GPC5: variants seen among roughly 807,000 people sequenced by gnomAD.
GPC5 encodes the protein glypican-5.
A neutral mutation model predicts 53.9 loss-of-function variants in GPC5; 47 were observed. The observed-to-expected ratio is 0.87, with a 90% confidence interval of 0.69 to 1.11. The LOEUF is 1.11. Ranked by LOEUF, GPC5 falls within the 50% of genes most tolerant of loss-of-function variation. The pLI is 0.00. For synonymous variants in GPC5, 286 were observed against 263.3 expected (o/e 1.09, Z -0.84); for missense variants, 748 against 713.1 (o/e 1.05, Z -0.56).
At chr13:91,613,611 G>T (rs1245542864) in intron 2 of GPC5, among the ~76,000 whole-genome samples, 2 of 152,000 alleles carry the variant, frequency 1.3e-5, no homozygotes, top group African/African-American at 4.8e-5. Flanking sequence ...GAAGATTTTT[G>T]GAAATATTTT....
intron 2 of GPC5, among the ~76,000 whole-genome samples, chr13:91,524,678 T>C (rs996020579): frequency 2.6e-5 from 4 of 152,178 alleles, no homozygotes; most frequent in Non-Finnish European, 5.9e-5. Context: ...AGGTATTACT[T>C]GCTGCTGCAG....
At chr13:91,650,035 G>A (rs1164720459) in intron 2 of GPC5, among the ~76,000 whole-genome samples, 1 of 151,904 alleles carries the variant, frequency 6.6e-6, no homozygotes, top group Non-Finnish European at 1.5e-5. Context: ...TTCACACACT[G>A]TAGTGCAATA....
intron 4 of GPC5, among the ~76,000 whole-genome samples, chr13:91,743,757 G>C (rs1566653899): frequency 6.6e-6 from 1 of 152,104 alleles, no homozygotes; most frequent in Non-Finnish European, 1.5e-5. Flanking sequence ...ACACAAATCA[G>C]ATTAACCATT....
intron 6 of GPC5, among the ~76,000 whole-genome samples, chr13:92,117,434 C>T (rs1254391375): frequency 1.3e-5 from 2 of 152,102 alleles, no homozygotes; most frequent in African/African-American, 4.8e-5. Flanking sequence ...CACCTTGGGT[C>T]TTTTTAAAAA....
rs570733876 is a variant in GPC5 at position 92,540,537 on chromosome 13, A to G, written c.1562-325745A>G. Among the ~76,000 whole-genome samples the G allele has an allele frequency of 1.9e-3, 291 of 152,112 alleles. 1 individual carries two copies. Among genetic ancestry groups the G allele is most frequent in the African/African-American group, 6.4e-3 (264 of 41,558 alleles). On this transcript the variant is annotated intron_variant, in intron 7 of 7. Transcript: ENST00000377067. The stretch of plus-strand genomic sequence containing the variant: ...AAAGTTGATCTAAGCTATTTTTACA[A>G]AATTGGATCCATTCGCAAATGTCTG...
intron 6 of GPC5, among the ~76,000 whole-genome samples, chr13:91,997,044 G>A (rs548604056): frequency 7.9e-5 from 12 of 151,630 alleles, no homozygotes; most frequent in South Asian, 2.1e-4. Flanking sequence ...TAGGAATATC[G>A]GTGATACACA....
chr13:92,483,393 G>GT (rs1879428700), intron 7 of GPC5, among the ~76,000 whole-genome samples: 1 of 152,168 alleles, frequency 6.6e-6, no homozygotes, highest in African/African-American at 2.4e-5. Flanking sequence ...TAACACAATG[G>GT]TAAGTATTTG....
At chr13:92,198,781 T>C (rs1164616255) in intron 7 of GPC5, among the ~76,000 whole-genome samples, 1 of 152,160 alleles carries the variant, frequency 6.6e-6, no homozygotes, top group Non-Finnish European at 1.5e-5. Context: ...AAAAATTATT[T>C]CTGACAATTT....
intron 2 of GPC5, among the ~76,000 whole-genome samples, chr13:91,649,252 A>T (rs1276454542): frequency 6.6e-6 from 1 of 152,192 alleles, no homozygotes; most frequent in Non-Finnish European, 1.5e-5. Context: ...TCCTTATAGC[A>T]GTGTGAGAAT....
At chr13:92,748,218 T>C (rs1889286243) in intron 7 of GPC5, among the ~76,000 whole-genome samples, 2 of 151,810 alleles carry the variant, frequency 1.3e-5, no homozygotes, top group South Asian at 4.2e-4. Flanking sequence ...CTTACGGTAG[T>C]TTGATATACA....
At chr13:92,112,110 A>T (rs1166560193) in intron 6 of GPC5, among the ~76,000 whole-genome samples, 1 of 152,190 alleles carries the variant, frequency 6.6e-6, no homozygotes, top group East Asian at 1.9e-4. Flanking sequence ...TTACACAAAG[A>T]GTTTGAGTGG....
At chr13:92,613,419 A>G (rs866041020) in intron 7 of GPC5, among the ~76,000 whole-genome samples, 1,885 of 54,584 alleles carry the variant, frequency 0.035, 103 homozygotes, top group African/African-American at 0.12. Flanking sequence ...ATATATAAAT[A>G]TGATATATAT....
chr13:92,379,159 A>G (rs12872897), intron 7 of GPC5, among the ~76,000 whole-genome samples: 10,160 of 152,228 alleles, frequency 0.067, 440 homozygotes, highest in Middle Eastern at 0.16. Context: ...TGCAGGCAAT[A>G]TTTGCAGAGA....
intron 7 of GPC5, among the ~76,000 whole-genome samples, chr13:92,731,354 G>A (rs1004165559): frequency 7.3e-5 from 11 of 151,482 alleles, no homozygotes; most frequent in African/African-American, 2.7e-4. Context: ...ATACAGTGGT[G>A]ACTGTGGAAA....
At chr13:92,773,700 T>C (rs1178131740) in intron 7 of GPC5, among the ~76,000 whole-genome samples, 1 of 152,200 alleles carries the variant, frequency 6.6e-6, no homozygotes, top group African/African-American at 2.4e-5. Context: ...CACTTGACTA[T>C]CTAATCACCC....
intron 7 of GPC5, among the ~76,000 whole-genome samples, chr13:92,230,890 A>T (rs940746464): frequency 6.6e-6 from 1 of 152,222 alleles, no homozygotes; most frequent in African/African-American, 2.4e-5. Flanking sequence ...AAAATTAATT[A>T]CCATATAATT....
At chr13:92,519,320 T>A (rs1880932405) in intron 7 of GPC5, among the ~76,000 whole-genome samples, 1 of 152,184 alleles carries the variant, frequency 6.6e-6, no homozygotes, top group African/African-American at 2.4e-5. Context: ...ATCAACAGAA[T>A]ATACATTCTT....
rs2039110622 is a variant in GPC5 at position 91,868,662 on chromosome 13, G to C, written c.1281-39275G>C. Among the ~76,000 whole-genome samples, 3 of 152,254 alleles carry C rather than the reference G, an allele frequency of 2.0e-5. No individual in the cohort carries two copies. In the South Asian group the frequency reaches 6.2e-4, roughly 32 times the overall value. On this transcript the variant is annotated intron_variant, in intron 5 of 7. Coordinates refer to ENST00000377067, the MANE Select transcript of GPC5 (RefSeq NM_004466.6). ...TGAAGCTGCAATGAACTGTGACTGTGCCACTGCACTCCAGCCTGGGTGACA... is the reference window on the plus strand; with the variant it reads ...TGAAGCTGCAATGAACTGTGACTGTCCCACTGCACTCCAGCCTGGGTGACA...
Position 91,723,493 on chromosome 13 carries a change from A to G in GPC5, c.1021-5039A>G, listed in dbSNP as rs548696321. On this transcript the variant is annotated intron_variant, in intron 3 of 7. Coordinates refer to ENST00000377067, the MANE Select transcript of GPC5 (RefSeq NM_004466.6). ...CTCTCCCTCCAAAAAAAAAACAGGTACACCATAAACTAAATTTGTTCTACC... is the reference window on the plus strand; with the variant it reads ...CTCTCCCTCCAAAAAAAAAACAGGTGCACCATAAACTAAATTTGTTCTACC... 8.6e-5 allele frequency among the ~76,000 whole-genome samples: 13 copies of G among 151,130 alleles called. No individual in the cohort carries two copies. The East Asian group carries it at 2.5e-3, about 30-fold the overall frequency.
Sources: allele counts gnomAD v4.1 joint callset (sites outside exome capture counted in the v4.1 genomes callset), GRCh38; gene constraint gnomAD v4.1.1; transcripts MANE v1.5; gene names NCBI Gene and HGNC (gene_info 2026-07-23, HGNC 2026-07-21).